The following ST3GAL5 variants were observed in gnomAD, a reference collection of about 807,000 sequenced individuals.
ST3GAL5 encodes lactosylceramide alpha-2,3-sialyltransferase.
Under a neutral mutation model 46.1 loss-of-function variants are expected in ST3GAL5, and 25 were observed. That is an observed-to-expected ratio of 0.54 (90% CI 0.40 to 0.76). The LOEUF (loss-of-function observed/expected upper bound fraction) is 0.76, where lower values mean the gene tolerates loss of function less well. Among genes scored for constraint, ST3GAL5 ranks in the 30% least tolerant of loss-of-function variants. ST3GAL5 has a pLI of 0.00. For synonymous variants in ST3GAL5, 182 were observed against 192.7 expected (o/e 0.94, Z 0.46); for missense variants, 431 against 521.2 (o/e 0.83, Z 1.69).
intron 1 of ST3GAL5, among the ~76,000 whole-genome samples, chr2:85,884,703 G>A (rs146228535): frequency 4.4e-4 from 67 of 152,296 alleles, no homozygotes; most frequent in African/African-American, 1.5e-3. Context: ...AAAGCAAAAA[G>A]GGGGTGAAGA....
chr2:85,884,768 G>A (rs2104254615), intron 1 of ST3GAL5, among the ~76,000 whole-genome samples: 1 of 152,286 alleles, frequency 6.6e-6, no homozygotes, highest in African/African-American at 2.4e-5. Flanking sequence ...GGAAGGCTGA[G>A]GAAGAAACGA....
intron 1 of ST3GAL5, among the ~76,000 whole-genome samples, chr2:85,884,498 C>T (rs1211832001): frequency 6.6e-6 from 1 of 152,126 alleles, no homozygotes; most frequent in Non-Finnish European, 1.5e-5. Flanking sequence ...ACAAGTGGCT[C>T]AGGTTATGTT....
chr2:85,848,458 C>G (rs954590720), intron 3 of ST3GAL5: 6 of 1,405,192 alleles, frequency 4.3e-6, no homozygotes, highest in Non-Finnish European at 5.8e-6. Flanking sequence ...AGAAGGACTC[C>G]CGCCTCCCAC....
Position 85,839,804 on chromosome 2 carries a change from C to T in ST3GAL5, c.*340G>A. The T allele has an allele frequency of 2.8e-6, 1 of 353,472 alleles. No individual in the cohort carries two copies. Among genetic ancestry groups the T allele is most frequent in the South Asian group, 2.3e-5 (1 of 42,932 alleles). The allele number at this position is 353,472 out of a possible 1,614,324, so 21.9% of individuals were successfully genotyped here. A position where few individuals can be genotyped will look rare whatever the true frequency, so the allele number is the denominator to read the frequency against. On this transcript the variant is annotated 3_prime_UTR_variant, in exon 7 of 7. Transcript: ENST00000638572. ...CCTCCCCTCTCCTTCCAATTAGTTA[C>T]CTGTATTCAATGTGCAGTGTAAACG...
intron 3 of ST3GAL5, chr2:85,855,818 C>T (rs1341828793): frequency 6.6e-6 from 1 of 152,164 alleles, no homozygotes; most frequent in Non-Finnish European, 1.5e-5. Flanking sequence ...AAAGAAAACA[C>T]ACATACGGTC....
intron 3 of ST3GAL5, chr2:85,853,051 A>G (rs1421180818): frequency 7.7e-7 from 1 of 1,304,272 alleles, no homozygotes. Flanking sequence ...CCATCTGGCC[A>G]TAATTAACTG....
intron 1 of ST3GAL5, among the ~76,000 whole-genome samples, chr2:85,869,569 C>T (rs573848217): frequency 6.6e-6 from 1 of 152,078 alleles, no homozygotes; most frequent in South Asian, 2.1e-4. Context: ...TAGTATGGGA[C>T]AAAAATATCC....
At chr2:85,857,582 A>C (rs1261294666) in intron 3 of ST3GAL5, among the ~76,000 whole-genome samples, 2 of 151,476 alleles carry the variant, frequency 1.3e-5, no homozygotes, top group Non-Finnish European at 2.9e-5. Flanking sequence ...GAAGAGGTTT[A>C]CCCAAGGACC....
At chr2:85,881,179 G>T (rs1418251467) in intron 1 of ST3GAL5, among the ~76,000 whole-genome samples, 2 of 152,146 alleles carry the variant, frequency 1.3e-5, no homozygotes, top group Admixed American at 1.3e-4. Flanking sequence ...AGTGCCTTTT[G>T]CCCTCTACCA....
rs748127639 is a variant in ST3GAL5 at position 85,840,111 on chromosome 2, T to TA, written c.*32dup. 8 of 1,614,160 alleles carry TA rather than the reference T, an allele frequency of 5.0e-6. No individual in the cohort carries two copies. The highest frequency in any genetic ancestry group is 5.9e-6 in the Non-Finnish European group (7 of 1,180,020). ...GGCTGTCAAAAACAGCTCTCAGAGTTAGAGTTGCATTTTCAACTGAGGTTT... is the reference window on the plus strand; with the variant it reads ...GGCTGTCAAAAACAGCTCTCAGAGTTAAGAGTTGCATTTTCAACTGAGGTTT... On this transcript the variant is annotated 3_prime_UTR_variant, in exon 7 of 7. Transcript: ENST00000638572.
In ST3GAL5 at chr2:85,840,357, T is replaced by A. The variant is rs1425795101; in HGVS notation, c.1044A>T (p.Leu348Phe). The part of the protein sequence containing the change: ...VPTIGVIAVV[L>F]ATHLCDEVSL... ...TGACTTCATCGCACAGATGTGTGGC[T>A]AAGACAACGGCAATGACACCGATTG... The change falls in exon 7 of 7, where the codon TTA becomes TTT. Residue 348 changes from leucine (L) to phenylalanine (F), a missense_variant. Transcript: ENST00000638572. 6.2e-7 allele frequency: 1 copy of A among 1,614,084 alleles called. No individual in the cohort carries two copies. Among genetic ancestry groups the A allele is most frequent in the East Asian group, 2.2e-5 (1 of 44,886 alleles).
In ST3GAL5 at chr2:85,878,651, T is replaced by C. The variant is rs1366242736; in HGVS notation, c.82+10173A>G. Among the ~76,000 whole-genome samples the C allele has an allele frequency of 2.0e-5, 3 of 152,334 alleles. No homozygotes were observed. The East Asian group carries it at 5.8e-4, about 29-fold the overall frequency. On this transcript the variant is annotated intron_variant, in intron 1 of 6. Transcript: ENST00000638572. ...CCTAACAATCCTTTAAATAAAAATTTCATAAGCTTCTTCCATACACCAAGC... is the reference window on the plus strand; with the variant it reads ...CCTAACAATCCTTTAAATAAAAATTCCATAAGCTTCTTCCATACACCAAGC...
chr2:85,865,618 G>A (rs1685208387), intron 1 of ST3GAL5, among the ~76,000 whole-genome samples: 1 of 152,188 alleles, frequency 6.6e-6, no homozygotes, highest in Non-Finnish European at 1.5e-5. Flanking sequence ...GTGGGAATCA[G>A]CAGGCTACCT....
chr2:85,867,605 G>C (rs201747823), intron 1 of ST3GAL5: 2 of 780,936 alleles, frequency 2.6e-6, no homozygotes, highest in Admixed American at 3.4e-5. Flanking sequence ...GGGGACTTAC[G>C]AACAGAAGCC....
In ST3GAL5 at chr2:85,872,338, G is replaced by A. The variant is rs77179419; in HGVS notation, c.83-8853C>T. ...AGATGATAAATTACCACATGAAACT[G>A]TCCACGAGGCGAGGCAGGCGGATCA... On this transcript the variant is annotated intron_variant, in intron 1 of 6. Transcript: ENST00000638572. Among the ~76,000 whole-genome samples the A allele has an allele frequency of 2.2e-3, 335 of 152,176 alleles. 2 individuals carry two copies. The highest frequency in any genetic ancestry group is 7.7e-3 in the African/African-American group (320 of 41,524).
intron 1 of ST3GAL5, 128 bp downstream of exon 1, chr2:85,888,696 C>T (rs1349126027): frequency 1.4e-6 from 1 of 703,874 alleles, no homozygotes; most frequent in Non-Finnish European, 1.9e-6. Flanking sequence ...GGTGTCGTGC[C>T]CTGGGCGCTG....
chr2:85,854,906 C>T (rs1220399290), intron 3 of ST3GAL5: 3 of 152,204 alleles, frequency 2.0e-5, no homozygotes, highest in Admixed American at 6.5e-5. Context: ...AAGGGGTAAC[C>T]GCTGAGCTGA....
intron 1 of ST3GAL5, chr2:85,880,831 A>G (rs1247842850): frequency 2.0e-6 from 1 of 503,824 alleles, no homozygotes; most frequent in African/African-American, 2.0e-5. Context: ...CTAAAAAGAA[A>G]AAAAAAAACT....
At chr2:85,864,595 A>G (rs7423664) in intron 1 of ST3GAL5, among the ~76,000 whole-genome samples, 9 of 86,462 alleles carry the variant, frequency 1.0e-4, no homozygotes, top group Admixed American at 4.5e-4. Context: ...AAAAAAAAAA[A>G]GAAAAAGAGA....
Sources: allele counts gnomAD v4.1 joint callset (sites outside exome capture counted in the v4.1 genomes callset), GRCh38; gene constraint gnomAD v4.1.1; transcripts MANE v1.5; gene names NCBI Gene and HGNC (gene_info 2026-07-23, HGNC 2026-07-21).